The following ARL15 variants were observed in gnomAD, a reference collection of about 807,000 sequenced individuals.
ARL15 encodes ADP-ribosylation factor-like protein 15.
Under a neutral mutation model 25.2 loss-of-function variants are expected in ARL15, and 19 were observed. The ratio of observed to expected loss-of-function variants is 0.75; its 90% CI spans 0.53 to 1.10. The LOEUF (loss-of-function observed/expected upper bound fraction) is 1.10. ARL15 is among the 50% of genes least tolerant of loss of function. The probability of loss-of-function intolerance (pLI) is 0.00; values close to 1 mark genes in which losing one functional copy is unlikely to be tolerated. For missense variants in ARL15, 220 were observed against 246.0 expected, an observed-to-expected ratio of 0.89 and a Z score of 0.71; for synonymous variants, 94 against 86.8, an observed-to-expected ratio of 1.08 and a Z score of -0.46.
intron 1 of ARL15, among the ~76,000 whole-genome samples, chr5:54,259,661 TA>T (rs1757449633): frequency 6.6e-6 from 1 of 151,790 alleles, no homozygotes; most frequent in Non-Finnish European, 1.5e-5. Context: ...GCAGGGGAGG[TA>T]AATGACTACA....
rs114454899 is a variant in ARL15 at position 53,927,050 on chromosome 5, C to T, written c.463-40337G>A. Among the ~76,000 whole-genome samples the T allele has an allele frequency of 4.9e-3, 744 of 151,820 alleles. 2 individuals are homozygous for T. The highest frequency in any genetic ancestry group is 8.9e-3 in the Admixed American group (135 of 15,248). On this transcript the variant is annotated intron_variant, in intron 4 of 4. Coordinates refer to ENST00000504924, the MANE Select transcript of ARL15 (RefSeq NM_019087.3). ...TAAAATATATATAACATAAAATTGA[C>T]CATTTCAACTATTTTTTAGGAGTAA...
At chr5:54,203,879 T>A (rs571103408) in intron 1 of ARL15, among the ~76,000 whole-genome samples, 8 of 152,246 alleles carry the variant, frequency 5.3e-5, no homozygotes, top group African/African-American at 1.9e-4. Context: ...ATTCAAAGAT[T>A]ATAATGTTCC....
At chr5:54,138,082 C>A (rs1426185693) in intron 3 of ARL15, among the ~76,000 whole-genome samples, 1 of 152,066 alleles carries the variant, frequency 6.6e-6, no homozygotes, top group East Asian at 1.9e-4. Flanking sequence ...ACCACTAATT[C>A]TTTTGTAATG....
chr5:54,035,043 A>G (rs1279934582), intron 4 of ARL15, among the ~76,000 whole-genome samples: 1 of 152,164 alleles, frequency 6.6e-6, no homozygotes, highest in African/African-American at 2.4e-5. Flanking sequence ...GCACCCTTTG[A>G]AAACGACTTC....
chr5:53,899,347 C>CAAAAAAAAAAAAAAAAAAAAAAAA (rs59145507), intron 4 of ARL15, among the ~76,000 whole-genome samples: 1 of 89,396 alleles, frequency 1.1e-5, no homozygotes, highest in African/African-American at 5.5e-5. Context: ...GACTCTATCC[C>CAAAAAAAAAAAAAAAAAAAAAAAA]AAAAAAAAAA....
At chr5:54,080,101 G>C (rs1183281773) in intron 4 of ARL15, among the ~76,000 whole-genome samples, 1 of 151,826 alleles carries the variant, frequency 6.6e-6, no homozygotes, top group East Asian at 1.9e-4. Flanking sequence ...TATGAACAAG[G>C]CCCTATATTA....
chr5:54,211,058 G>A (rs191686649), intron 1 of ARL15, among the ~76,000 whole-genome samples: 9 of 152,266 alleles, frequency 5.9e-5, no homozygotes, highest in African/African-American at 9.6e-5. Context: ...TACACAAAAC[G>A]AAACTAGGAT....
At chr5:54,129,334 T>C (rs1419374137) in intron 3 of ARL15, among the ~76,000 whole-genome samples, 1 of 151,890 alleles carries the variant, frequency 6.6e-6, no homozygotes, top group African/African-American at 2.4e-5. Context: ...CACAGAAACC[T>C]GGCATAGAAA....
At chr5:54,042,001 C>T (rs1386277929) in intron 4 of ARL15, among the ~76,000 whole-genome samples, 2 of 149,380 alleles carry the variant, frequency 1.3e-5, no homozygotes, top group African/African-American at 2.5e-5. Context: ...GACGGAGTCT[C>T]GCTTTGTCGC....
intron 4 of ARL15, among the ~76,000 whole-genome samples, chr5:53,937,348 TG>T (rs1746384694): frequency 6.6e-6 from 1 of 152,158 alleles, no homozygotes. Flanking sequence ...AAGTCTCATT[TG>T]GTTTTCATCA....
intron 4 of ARL15, chr5:53,951,527 C>T (rs1234048712): frequency 2.1e-6 from 1 of 471,132 alleles, no homozygotes; most frequent in Non-Finnish European, 4.4e-6. Context: ...TGTAGGTATT[C>T]TTTGTGTTCT....
chr5:54,291,841 C>T (rs945273124), intron 1 of ARL15, among the ~76,000 whole-genome samples: 5 of 152,188 alleles, frequency 3.3e-5, no homozygotes, highest in Non-Finnish European at 5.9e-5. Context: ...TTAACAGAAA[C>T]CCAACTCCCA....
At chr5:53,906,906 G>A (rs1431405346) in intron 4 of ARL15, among the ~76,000 whole-genome samples, 1 of 152,018 alleles carries the variant, frequency 6.6e-6, no homozygotes, top group Non-Finnish European at 1.5e-5. Flanking sequence ...CTGCCAGCTG[G>A]GTTTCATTTT....
At chr5:54,254,558 T>C (rs1021925940) in intron 1 of ARL15, among the ~76,000 whole-genome samples, 12 of 152,228 alleles carry the variant, frequency 7.9e-5, no homozygotes, top group Non-Finnish European at 1.5e-4. Context: ...TAGTTTCTTT[T>C]AGTAGAAGAG....
At chr5:53,909,169 T>A (rs971351758) in intron 4 of ARL15, among the ~76,000 whole-genome samples, 1 of 152,074 alleles carries the variant, frequency 6.6e-6, no homozygotes, top group African/African-American at 2.4e-5. Context: ...ATGGCTCCAC[T>A]GAAAAAAATC....
intron 4 of ARL15, among the ~76,000 whole-genome samples, chr5:53,970,966 T>C (rs1747732495): frequency 6.6e-6 from 1 of 152,052 alleles, no homozygotes; most frequent in Non-Finnish European, 1.5e-5. Context: ...TTTCACTTTA[T>C]AAATAATAGA....
At chr5:54,069,452 T>C (rs1644893628) in intron 4 of ARL15, among the ~76,000 whole-genome samples, 2 of 148,728 alleles carry the variant, frequency 1.3e-5, no homozygotes, top group Non-Finnish European at 3.0e-5. Flanking sequence ...GTGTCTGTAG[T>C]CCCAGCTACT....
intron 4 of ARL15, among the ~76,000 whole-genome samples, chr5:53,901,214 C>G (rs1200831105): frequency 6.6e-6 from 1 of 152,126 alleles, no homozygotes; most frequent in Non-Finnish European, 1.5e-5. Context: ...TTCAAAAGAG[C>G]ATTCATTTTT....
Position 53,887,640 on chromosome 5 carries a change from A to G in ARL15, c.463-927T>C, listed in dbSNP as rs753832407. ...TACACACTGTATCATACAAAAGTAGAACATTATATTTATTGCCCAACAAAG... is the reference window on the plus strand; with the variant it reads ...TACACACTGTATCATACAAAAGTAGGACATTATATTTATTGCCCAACAAAG... On this transcript the variant is annotated intron_variant, in intron 4 of 4. Coordinates refer to ENST00000504924, the MANE Select transcript of ARL15 (RefSeq NM_019087.3). 7.9e-4 allele frequency among the ~76,000 whole-genome samples: 121 copies of G among 152,340 alleles called. 1 individual carries two copies. The highest frequency in any genetic ancestry group is 4.2e-3 in the Admixed American group (65 of 15,304).
Sources: allele counts gnomAD v4.1 joint callset (sites outside exome capture counted in the v4.1 genomes callset), GRCh38; gene constraint gnomAD v4.1.1; transcripts MANE v1.5; gene names NCBI Gene and HGNC (gene_info 2026-07-23, HGNC 2026-07-21).